ANK2: variants seen among roughly 807,000 people sequenced by gnomAD.
ANK2 encodes the protein ankyrin 2.
Under a neutral mutation model 360.5 loss-of-function variants are expected in ANK2, and 83 were observed. The observed-to-expected ratio is 0.23, with a 90% confidence interval of 0.19 to 0.28. The LOEUF is 0.28. Ranked by LOEUF, ANK2 falls within the 10% of genes least tolerant of loss-of-function variation. The pLI, the probability that ANK2 is intolerant of heterozygous loss-of-function variation, is 1.00. For missense variants in ANK2, 4,201 were observed against 4,795.7 expected, an observed-to-expected ratio of 0.88 and a Z score of 3.66; for synonymous variants, 1,740 against 1,759.5, an observed-to-expected ratio of 0.99 and a Z score of 0.28.
At chr4:112,929,626 ATCT>A (rs2092958416) in intron 2 of ANK2, among the ~76,000 whole-genome samples, 1 of 152,214 alleles carries the variant, frequency 6.6e-6, no homozygotes, top group Admixed American at 6.5e-5. Flanking sequence ...TTCCTAAGAA[ATCT>A]TCTATTTCTT....
chr4:112,966,566 T>A (rs1215927628), intron 2 of ANK2, among the ~76,000 whole-genome samples: 3 of 152,128 alleles, frequency 2.0e-5, no homozygotes, highest in Non-Finnish European at 4.4e-5. Context: ...TTGTAACTGT[T>A]CTCAGAAAGT....
At chr4:112,757,885 A>ATT in the ANK2 span, among the ~76,000 whole-genome samples, 316 of 147,202 alleles carry the variant, frequency 2.1e-3, no homozygotes, top group East Asian at 3.6e-3. Context: ...CTAAAGATGG[A>ATT]TTTTTTTTTT....
chr4:113,351,856 T>C (rs1306438552), intron 37 of ANK2, among the ~76,000 whole-genome samples: 1 of 152,242 alleles, frequency 6.6e-6, no homozygotes, highest in East Asian at 1.9e-4. Context: ...AATCATTAAA[T>C]AATCTTCATC....
At chr4:113,083,133 T>C (rs183687692) in intron 1 of ANK2, among the ~76,000 whole-genome samples, 1 of 152,294 alleles carries the variant, frequency 6.6e-6, no homozygotes, top group Non-Finnish European at 1.5e-5. Context: ...GTGCACAATG[T>C]GCAGGTTAGT....
At chr4:113,072,330 C>G (rs941167975) in intron 1 of ANK2, among the ~76,000 whole-genome samples, 3 of 152,214 alleles carry the variant, frequency 2.0e-5, no homozygotes, top group Admixed American at 2.0e-4. Flanking sequence ...TCCAGGACAT[C>G]TCCAGCATGT....
intron 4 of ANK2, among the ~76,000 whole-genome samples, chr4:113,200,933 T>C (rs902602696): frequency 1.3e-5 from 2 of 152,070 alleles, no homozygotes; most frequent in Non-Finnish European, 2.9e-5. Flanking sequence ...AAATACCTAA[T>C]GTAGATGACG....
At chr4:113,221,926 A>G (rs72898056) in intron 4 of ANK2, among the ~76,000 whole-genome samples, 2,954 of 152,328 alleles carry the variant, frequency 0.019, 91 homozygotes, top group African/African-American at 0.066. Flanking sequence ...ATGGTATAAT[A>G]TCATCTGTGG....
intron 1 of ANK2, among the ~76,000 whole-genome samples, chr4:113,083,303 C>T (rs1446852148): frequency 6.6e-6 from 1 of 152,110 alleles, no homozygotes; most frequent in Non-Finnish European, 1.5e-5. Flanking sequence ...CTTAGCCTCC[C>T]TGAGTAGCTG....
intron 26 of ANK2, among the ~76,000 whole-genome samples, chr4:113,328,905 A>G (rs1401392125): frequency 3.9e-5 from 6 of 152,246 alleles, no homozygotes; most frequent in Middle Eastern, 3.2e-3. Flanking sequence ...TTGTGTTTAT[A>G]TCCCATAACT....
At chr4:112,946,747 A>G (rs1049823607) in intron 2 of ANK2, among the ~76,000 whole-genome samples, 3 of 152,214 alleles carry the variant, frequency 2.0e-5, no homozygotes, top group Non-Finnish European at 4.4e-5. Context: ...TTGAATCCAT[A>G]TACAACCTTA....
intron 1 of ANK2, among the ~76,000 whole-genome samples, chr4:113,101,418 A>G (rs1162433178): frequency 6.6e-6 from 1 of 152,176 alleles, no homozygotes; most frequent in Non-Finnish European, 1.5e-5. Flanking sequence ...TTCAATATGG[A>G]TCCCAAGGGA....
chr4:112,841,563 G>A (rs1204843301), intron 1 of ANK2, among the ~76,000 whole-genome samples: 3 of 152,148 alleles, frequency 2.0e-5, no homozygotes, highest in Non-Finnish European at 2.9e-5. Context: ...CTGTGAGATG[G>A]TTCTCTCTTA....
intron 1 of ANK2, among the ~76,000 whole-genome samples, chr4:112,897,306 G>A (rs747654359): frequency 1.3e-5 from 2 of 151,994 alleles, no homozygotes; most frequent in East Asian, 3.9e-4. Context: ...CCCTTTCTTT[G>A]TTCAATGCCT....
At chr4:113,334,044 A>C (rs1294340511) in intron 29 of ANK2, among the ~76,000 whole-genome samples, 2 of 152,204 alleles carry the variant, frequency 1.3e-5, no homozygotes, top group Admixed American at 6.5e-5. Context: ...GAACATACCA[A>C]GTTTTGTATA....
intron 1 of ANK2, among the ~76,000 whole-genome samples, chr4:112,847,683 C>T (rs564481785): frequency 4.6e-5 from 7 of 152,110 alleles, no homozygotes; most frequent in African/African-American, 9.6e-5. Flanking sequence ...CCTCCTTTTC[C>T]CCCTTAAAAT....
chr4:113,164,880 G>A (rs1416110678), intron 1 of ANK2, among the ~76,000 whole-genome samples: 1 of 152,146 alleles, frequency 6.6e-6, no homozygotes, highest in Admixed American at 6.5e-5. Flanking sequence ...AATGAAAAGA[G>A]TTTTGTATAG....
chr4:112,984,551 C>T (rs1027684022), intron 2 of ANK2, among the ~76,000 whole-genome samples: 8 of 152,138 alleles, frequency 5.3e-5, no homozygotes. Flanking sequence ...ACGTGGGAAT[C>T]CAAGATGAGA....
At chr4:112,771,747 G>A in the ANK2 span, among the ~76,000 whole-genome samples, 2 of 152,168 alleles carry the variant, frequency 1.3e-5, no homozygotes, top group East Asian at 3.9e-4. Context: ...CACCGTGCCC[G>A]GCTCATTTTT....
intron 1 of ANK2, among the ~76,000 whole-genome samples, chr4:113,094,269 C>G (rs2089952902): frequency 6.6e-6 from 1 of 152,124 alleles, no homozygotes; most frequent in Non-Finnish European, 1.5e-5. Flanking sequence ...AAAGTGATCT[C>G]TTAAAAACTG....
Sources: gnomAD v4.1 joint callset for allele counts (sites outside exome capture counted in the v4.1 genomes callset) on GRCh38, gnomAD v4.1.1 for gene constraint, MANE v1.5 for transcripts, NCBI Gene and HGNC (gene_info 2026-07-23, HGNC 2026-07-21) for gene names.